TDP1: variants seen among roughly 807,000 people sequenced by gnomAD.
TDP1 encodes tyrosyl-DNA phosphodiesterase 1.
A neutral mutation model predicts 81.5 loss-of-function variants in TDP1; 64 were observed. The ratio of observed to expected loss-of-function variants is 0.79; its 90% CI spans 0.64 to 0.97. TDP1 has a LOEUF of 0.97. TDP1 is among the 50% of genes least tolerant of loss of function. The pLI is 0.00. For missense variants in TDP1, 723 were observed against 743.8 expected, an observed-to-expected ratio of 0.97 and a Z score of 0.33; for synonymous variants, 256 against 264.3, an observed-to-expected ratio of 0.97 and a Z score of 0.30.
chr14:90,037,940 C>G (rs905242141), intron 16 of TDP1, among the ~76,000 whole-genome samples: 5 of 152,176 alleles, frequency 3.3e-5, no homozygotes, highest in Non-Finnish European at 7.4e-5. Flanking sequence ...TAGCATGGAC[C>G]AGTTATTTTA....
At chr14:90,007,186 T>C (rs1357834703) in intron 14 of TDP1, among the ~76,000 whole-genome samples, 2 of 152,232 alleles carry the variant, frequency 1.3e-5, no homozygotes, top group African/African-American at 4.8e-5. Context: ...TCTTTTATAG[T>C]TATTTCACTG....
intron 15 of TDP1, among the ~76,000 whole-genome samples, chr14:90,031,664 C>A (rs61520219): frequency 0.2 from 30,303 of 151,686 alleles, 7,292 homozygotes; most frequent in African/African-American, 0.58. Flanking sequence ...CTCCAAAAAA[C>A]AAAGAAACCT....
chr14:90,011,069 A>G (rs981156032), intron 14 of TDP1, among the ~76,000 whole-genome samples: 1 of 152,058 alleles, frequency 6.6e-6, no homozygotes, highest in African/African-American at 2.4e-5. Context: ...ATGTCTCATG[A>G]GATCTGATGG....
intron 8 of TDP1, chr14:89,984,088 A>G: frequency 1.0e-6 from 1 of 984,582 alleles, no homozygotes; most frequent in Non-Finnish European, 1.2e-6. Flanking sequence ...GCATTGATGC[A>G]GACAAGGGCA....
Position 89,989,569 on chromosome 14 carries a change from TC to T in TDP1, c.1318-147del, listed in dbSNP as rs930306075. ...TTGTTTAATTACTAGTTCATTTTTTTCATAAGATGAGAACTTTTAAAAATTT... is the reference window on the plus strand; with the variant it reads ...TTGTTTAATTACTAGTTCATTTTTTTATAAGATGAGAACTTTTAAAAATTT... On this transcript the variant is annotated intron_variant, in intron 11 of 16. Transcript: ENST00000335725. The T allele has an allele frequency of 5.0e-5, 55 of 1,094,962 alleles. No homozygotes were observed. The African/African-American group carries it at 6.9e-4, about 14-fold the overall frequency. 67.8% of individuals were successfully genotyped at this position (1,094,962 alleles called of 1,614,324 possible).
At chr14:89,980,293 A>T in intron 7 of TDP1, 1 of 985,432 alleles carries the variant, frequency 1.0e-6, no homozygotes, top group Non-Finnish European at 1.2e-6. Context: ...GTGAAGTGCC[A>T]GGACTGGCAC....
At chr14:89,992,173 A>C (rs1458952997) in intron 13 of TDP1, among the ~76,000 whole-genome samples, 190 bp downstream of exon 13, 1 of 152,224 alleles carries the variant, frequency 6.6e-6, no homozygotes, top group Non-Finnish European at 1.5e-5. Context: ...TTTTAATACC[A>C]AAGAGGAAAA....
intron 10 of TDP1, among the ~76,000 whole-genome samples, chr14:89,985,721 G>A (rs1161732568): frequency 8.5e-5 from 13 of 152,148 alleles, no homozygotes; most frequent in Admixed American, 8.5e-4. Flanking sequence ...CTTTTTAGGT[G>A]GTTTACTGAC....
intron 14 of TDP1, among the ~76,000 whole-genome samples, chr14:90,012,529 A>G (rs907282931): frequency 3.9e-5 from 6 of 151,930 alleles, no homozygotes; most frequent in African/African-American, 1.2e-4. Flanking sequence ...GTTTCTATAC[A>G]TCCTCTGAAA....
intron 5 of TDP1, chr14:89,970,823 TTTAA>T: frequency 1.3e-5 from 11 of 817,572 alleles, no homozygotes; most frequent in Non-Finnish European, 1.3e-5. Flanking sequence ...AATGATGTAT[TTTAA>T]TTAATTTATT....
chr14:89,991,273 A>G (rs1896150328), intron 12 of TDP1, among the ~76,000 whole-genome samples: 1 of 152,132 alleles, frequency 6.6e-6, no homozygotes, highest in Admixed American at 6.6e-5. Flanking sequence ...AAGTAATTCA[A>G]TTATAATTTT....
chr14:89,975,441 CT>C (rs1894173806), intron 6 of TDP1: 11 of 985,060 alleles, frequency 1.1e-5, no homozygotes, highest in Non-Finnish European at 1.3e-5. Context: ...AGCCAAATAT[CT>C]AAAACTTTGC....
At chr14:90,033,056 TA>T in intron 15 of TDP1, 49 bp from the exon 16 acceptor site, 2 of 1,312,266 alleles carry the variant, frequency 1.5e-6, no homozygotes, top group Non-Finnish European at 1.1e-6. Flanking sequence ...TTTTTTTTTT[TA>T]AACCCAGAAA....
chr14:90,018,821 C>T (rs1252764619), intron 14 of TDP1: 3 of 197,066 alleles, frequency 1.5e-5, no homozygotes, highest in Non-Finnish European at 2.7e-5. Flanking sequence ...TCTCTAGATA[C>T]AAATAACAGT....
chr14:89,969,810 ATCTT>A (rs1279447208), intron 5 of TDP1, among the ~76,000 whole-genome samples: 72 of 150,834 alleles, frequency 4.8e-4, no homozygotes, highest in Non-Finnish European at 9.7e-4. Flanking sequence ...TCGGTTGTTT[ATCTT>A]TCTTGATTGC....
chr14:89,970,700 A>G (rs746613028), intron 5 of TDP1: 1 of 374,684 alleles, frequency 2.7e-6, no homozygotes, highest in Non-Finnish European at 3.7e-6. Flanking sequence ...GTAAATGAAC[A>G]TTAGCTTTTC....
rs1359621404 is a variant in TDP1, at chr14:90,043,359, T to C, written c.*216T>C. The C allele has an allele frequency of 1.6e-6, 1 of 626,106 alleles. No individual in the cohort carries two copies. The highest frequency in any genetic ancestry group is 2.8e-6 in the Non-Finnish European group (1 of 361,884). The allele number at this position is 626,106 out of a possible 1,614,324, so 38.8% of individuals were successfully genotyped here. ...TTTCTTAATTCACTTTTATATGTTTTGGAAAGAAAATTAGTGAACTTCTCT... is the reference window on the plus strand; with the variant it reads ...TTTCTTAATTCACTTTTATATGTTTCGGAAAGAAAATTAGTGAACTTCTCT... On this transcript the variant is annotated 3_prime_UTR_variant, in exon 17 of 17. Coordinates refer to ENST00000335725, the MANE Select transcript of TDP1 (RefSeq NM_018319.4).
intron 15 of TDP1, 36 bp from the exon 16 acceptor site, chr14:90,033,070 G>A (rs1411875072): frequency 2.2e-6 from 3 of 1,384,144 alleles, no homozygotes; most frequent in Non-Finnish European, 3.1e-6. Context: ...CCCAGAAAAT[G>A]GGGTGCAATC....
At chr14:90,039,624 T>C (rs1465219425) in intron 16 of TDP1, among the ~76,000 whole-genome samples, 2 of 151,750 alleles carry the variant, frequency 1.3e-5, no homozygotes, top group Admixed American at 6.6e-5. Context: ...AAAGACCTTA[T>C]TACCTGGCTA....
Sources: gnomAD v4.1 joint callset for allele counts (sites outside exome capture counted in the v4.1 genomes callset) on GRCh38, gnomAD v4.1.1 for gene constraint, MANE v1.5 for transcripts, NCBI Gene and HGNC (gene_info 2026-07-23, HGNC 2026-07-21) for gene names.